PRKCE: variants seen among roughly 807,000 people sequenced by gnomAD.
PRKCE encodes protein kinase C epsilon.
Under a neutral mutation model 85.4 loss-of-function variants are expected in PRKCE, and 16 were observed. That is an observed-to-expected ratio of 0.19 (90% CI 0.13 to 0.28). The LOEUF is 0.28. PRKCE is among the 10% of genes least tolerant of loss of function. The probability of loss-of-function intolerance (pLI) is 1.00; values close to 1 mark genes in which losing one functional copy is unlikely to be tolerated. For synonymous variants in PRKCE, 388 were observed against 371.5 expected (o/e 1.04, Z -0.51); for missense variants, 573 against 975.2 (o/e 0.59, Z 5.49).
At chr2:45,808,922 C>T (rs1315189099) in intron 1 of PRKCE, among the ~76,000 whole-genome samples, 2 of 152,136 alleles carry the variant, frequency 1.3e-5, no homozygotes, top group Admixed American at 6.5e-5. Context: ...GGGGTCTCCT[C>T]ATATATCCTA....
chr2:45,934,435 G>T (rs1207329717), intron 2 of PRKCE, among the ~76,000 whole-genome samples: 3 of 151,918 alleles, frequency 2.0e-5, no homozygotes, highest in Non-Finnish European at 4.4e-5. Flanking sequence ...GGTCACTTGA[G>T]GTCAGGAGTT....
chr2:46,013,225 C>T (rs1574226472), intron 10 of PRKCE, among the ~76,000 whole-genome samples: 1 of 152,076 alleles, frequency 6.6e-6, no homozygotes, highest in African/African-American at 2.4e-5. Context: ...TATGACAAAC[C>T]AACAGTTTAT....
rs541817138 is a variant in PRKCE, at chr2:46,186,394, T to C, written c.*1513T>C. 10 of 152,766 alleles carry C rather than the reference T, an allele frequency of 6.5e-5. No individual in the cohort carries two copies. Among genetic ancestry groups the C allele is most frequent in the African/African-American group, 2.4e-4 (10 of 41,566 alleles). 9.5% of individuals were successfully genotyped at this position (152,766 alleles called of 1,614,324 possible). ...GTACATTTGAGATTTTTGTATATAG[T>C]GTTTGCTGCAAGGCCTGTGGAATTA... On this transcript the variant is annotated 3_prime_UTR_variant, in exon 15 of 15. Transcript: ENST00000306156.
intron 1 of PRKCE, among the ~76,000 whole-genome samples, chr2:45,740,848 G>C (rs986526681): frequency 3.9e-5 from 6 of 152,350 alleles, no homozygotes; most frequent in South Asian, 2.1e-4. Context: ...AGGAGATACT[G>C]TATAACATGC....
intron 11 of PRKCE, among the ~76,000 whole-genome samples, chr2:46,086,644 A>G (rs1669665894): frequency 6.6e-6 from 1 of 152,078 alleles, no homozygotes; most frequent in Non-Finnish European, 1.5e-5. Context: ...CCTTGGTGTG[A>G]CCTTCGTTTT....
At chr2:45,927,301 G>T (rs1224403216) in intron 2 of PRKCE, among the ~76,000 whole-genome samples, 1 of 152,232 alleles carries the variant, frequency 6.6e-6, no homozygotes, top group Non-Finnish European at 1.5e-5. Flanking sequence ...TTGGAACCTA[G>T]AGAAGGGAAG....
At chr2:45,981,953 G>T (rs1359729574) in intron 5 of PRKCE, among the ~76,000 whole-genome samples, 1 of 152,218 alleles carries the variant, frequency 6.6e-6, no homozygotes, top group African/African-American at 2.4e-5. Context: ...GATTTGAAAT[G>T]TTCAGAACCC....
intron 1 of PRKCE, among the ~76,000 whole-genome samples, chr2:45,766,775 C>G (rs1558648851): frequency 6.6e-6 from 1 of 152,220 alleles, no homozygotes; most frequent in Non-Finnish European, 1.5e-5. Context: ...CACGGAGGCT[C>G]ATGCCTGTAA....
intron 10 of PRKCE, among the ~76,000 whole-genome samples, chr2:46,072,393 G>A (rs1668155252): frequency 6.6e-6 from 1 of 152,248 alleles, no homozygotes; most frequent in Admixed American, 6.5e-5. Flanking sequence ...AGGGGATTTA[G>A]CAGAGTGGAG....
At chr2:45,728,784 A>G (rs1681308929) in intron 1 of PRKCE, among the ~76,000 whole-genome samples, 1 of 152,222 alleles carries the variant, frequency 6.6e-6, no homozygotes, top group South Asian at 2.1e-4. Context: ...TTCATGCATC[A>G]TGTCACTTAT....
chr2:45,978,651 C>T, intron 3 of PRKCE: 1 of 278,176 alleles, frequency 3.6e-6, no homozygotes, highest in Non-Finnish European at 6.8e-6. Context: ...GTATGCTTCA[C>T]TGCTCAATGC....
At chr2:46,093,592 A>C (rs2345953) in intron 11 of PRKCE, among the ~76,000 whole-genome samples, 1 of 150,054 alleles carries the variant, frequency 6.7e-6, no homozygotes. Context: ...GCAGTGTTAC[A>C]ATGATAGCTC....
chr2:45,881,923 T>G (rs1478145519), intron 2 of PRKCE, among the ~76,000 whole-genome samples: 1 of 152,220 alleles, frequency 6.6e-6, no homozygotes, highest in African/African-American at 2.4e-5. Flanking sequence ...TGTGGAGCTC[T>G]GTGTGTTGTC....
intron 2 of PRKCE, among the ~76,000 whole-genome samples, chr2:45,880,639 A>G (rs1054836053): frequency 1.3e-5 from 2 of 152,194 alleles, no homozygotes; most frequent in South Asian, 2.1e-4. Context: ...GAGTATATGT[A>G]TACCAATGCC....
chr2:45,688,297 A>G (rs1018063039), intron 1 of PRKCE, among the ~76,000 whole-genome samples: 2 of 152,142 alleles, frequency 1.3e-5, no homozygotes, highest in Non-Finnish European at 2.9e-5. Flanking sequence ...AGAATTCCCT[A>G]GTGTAAGATG....
At position 46,069,210 on chromosome 2, in the gene PRKCE, T is replaced by C. The variant is rs146398234; in HGVS notation, c.1438-16998T>C. ...ATTTCAGAGACTTTCTTTTACGTGG[T>C]AGCCTCTGCTGTATTCTCACTTACC... On this transcript the variant is annotated intron_variant, in intron 10 of 14. Transcript: ENST00000306156. 2.0e-5 allele frequency among the ~76,000 whole-genome samples: 3 copies of C among 152,352 alleles called. No homozygotes were observed. The East Asian group carries it at 5.8e-4, about 29-fold the overall frequency.
At chr2:46,146,668 A>G (rs1676100255) in intron 12 of PRKCE, among the ~76,000 whole-genome samples, 1 of 152,202 alleles carries the variant, frequency 6.6e-6, no homozygotes, top group Non-Finnish European at 1.5e-5. Flanking sequence ...TGGGCCCTGG[A>G]TCCTTTGAGG....
At chr2:45,761,990 A>G (rs889116259) in intron 1 of PRKCE, among the ~76,000 whole-genome samples, 1 of 152,148 alleles carries the variant, frequency 6.6e-6, no homozygotes, top group Non-Finnish European at 1.5e-5. Context: ...TCAGGCATTG[A>G]TGAGGGGTCC....
chr2:45,784,644 A>T (rs1686455783), intron 1 of PRKCE, among the ~76,000 whole-genome samples: 1 of 152,050 alleles, frequency 6.6e-6, no homozygotes, highest in Admixed American at 6.5e-5. Context: ...GTTTTTTTTT[A>T]AACAAACCTT....
Sources: allele counts gnomAD v4.1 joint callset (sites outside exome capture counted in the v4.1 genomes callset), GRCh38; gene constraint gnomAD v4.1.1; transcripts MANE v1.5; gene names NCBI Gene and HGNC (gene_info 2026-07-23, HGNC 2026-07-21).